Variants in GOLGA8S observed in about 807,000 individuals in gnomAD.
GOLGA8S encodes the protein golgin subfamily A member 8S.
A neutral mutation model predicts 58.9 loss-of-function variants in GOLGA8S; 23 were observed. That is an observed-to-expected ratio of 0.39 (90% CI 0.28 to 0.55). The LOEUF (loss-of-function observed/expected upper bound fraction) is 0.55. Among genes scored for constraint, GOLGA8S ranks in the 20% least tolerant of loss-of-function variants. The pLI is 0.63. For missense variants in GOLGA8S, 266 were observed against 514.2 expected (o/e 0.52, Z 4.67); for synonymous variants, 84 against 195.7 (o/e 0.43, Z 4.76).
At chr15:23,361,171 T>C (rs774459141) in intron 11 of GOLGA8S, 50 bp from the exon 12 acceptor site, 3 of 402,204 alleles carry the variant, frequency 7.5e-6, no homozygotes, top group East Asian at 9.9e-5. Flanking sequence ...TTTCTTTTCT[T>C]TTTTTTTTTT....
At chr15:23,368,245 G>C (rs1384591810), downstream of GOLGA8S, among the ~76,000 whole-genome samples, 1 of 151,896 alleles carries the variant, frequency 6.6e-6, no homozygotes, top group African/African-American at 2.4e-5. Flanking sequence ...AATACTGAAA[G>C]ATTTTTCCCT....
At chr15:23,363,593 A>G (rs187735073) in intron 14 of GOLGA8S, 85 bp from the exon 15 acceptor site, 17,726 of 315,220 alleles carry the variant, frequency 0.056, 5,537 homozygotes, top group Non-Finnish European at 0.066. Context: ...GGGTTACACA[A>G]TGAGGGTGGA....
intron 11 of GOLGA8S, among the ~76,000 whole-genome samples, 160 bp downstream of exon 11, chr15:23,360,975 C>T (rs2069779811): frequency 6.7e-6 from 1 of 148,438 alleles, no homozygotes. Flanking sequence ...CAATGAGCCT[C>T]AGTGTCCCCA....
At chr15:23,359,580 T>C (rs1277190733) in intron 8 of GOLGA8S, among the ~76,000 whole-genome samples, 1 of 143,080 alleles carries the variant, frequency 7.0e-6, no homozygotes, top group African/African-American at 2.6e-5. Flanking sequence ...TGTGTGTACA[T>C]ATTATGATAA....
At chr15:23,367,719 G>C (rs997061610), downstream of GOLGA8S, among the ~76,000 whole-genome samples, 8 of 151,752 alleles carry the variant, frequency 5.3e-5, 1 homozygote, top group African/African-American at 1.9e-4. Flanking sequence ...TTCGGTATAA[G>C]GCAGCTTTCA....
At chr15:23,365,391 C>T (rs913402122), downstream of GOLGA8S, 94 of 599,678 alleles carry the variant, frequency 1.6e-4, no homozygotes, top group South Asian at 4.2e-4. Flanking sequence ...CATTAGCATG[C>T]ATATCGAGTT....
chr15:23,358,099 T>A (rs1017880376), intron 4 of GOLGA8S, among the ~76,000 whole-genome samples: 1 of 151,700 alleles, frequency 6.6e-6, no homozygotes, highest in Non-Finnish European at 1.5e-5. Context: ...TTTTCCACCC[T>A]AAATCTTCTG....
chr15:23,360,958 G>A (rs2069779297), intron 11 of GOLGA8S, 143 bp downstream of exon 11: 2 of 702,424 alleles, frequency 2.8e-6, no homozygotes, highest in East Asian at 4.9e-5. Context: ...GGCAAGTCTT[G>A]TCATCTCAAT....
chr15:23,368,219 C>G (rs2069952054), downstream of GOLGA8S, among the ~76,000 whole-genome samples: 1 of 151,906 alleles, frequency 6.6e-6, no homozygotes, highest in Non-Finnish European at 1.5e-5. Context: ...TTCTTGTAAA[C>G]AGAATGTGTA....
chr15:23,364,720 T>C lies in GOLGA8S; in HGVS notation c.1548T>C (p.Asp516=), dbSNP rs774308664. The C allele has an allele frequency of 3.2e-5, 49 of 1,514,042 alleles. No individual in the cohort carries two copies. In the East Asian group the frequency reaches 1.1e-3, roughly 34 times the overall value. 93.8% of individuals were successfully genotyped at this position (1,514,042 alleles called of 1,614,324 possible). The change falls in exon 18 of 19, where the codon GAT becomes GAC. Residue 516 remains aspartate (D), a splice_region_variant and synonymous_variant. Transcript: ENST00000562295. ...GCAGCTGAGCACCCCTCCCTCCAGA[T>C]GAAGCTGCTGGAGCTGCAGCAGATG... is the stretch of plus-strand genomic sequence containing the variant.
In GOLGA8S at chr15:23,360,626, A is replaced by C. The variant is rs660225; in HGVS notation, c.786+94A>C. ...GGGAATAGTAGAGCCAGAGGTGGTC[A>C]TGGGACTGGGCTTTGTGGAGGTGGG... On this transcript the variant is annotated intron_variant, in intron 10 of 18. Coordinates refer to ENST00000562295, the Ensembl canonical transcript of GOLGA8S. The C allele has an allele frequency of 4.9e-3, 6,195 of 1,269,176 alleles. 244 individuals carry two copies. The highest frequency in any genetic ancestry group is 0.026 in the East Asian group (1,143 of 43,252). 78.6% of individuals were successfully genotyped at this position (1,269,176 alleles called of 1,614,324 possible).
chr15:23,360,047 T>G (rs1279601423), intron 8 of GOLGA8S, among the ~76,000 whole-genome samples, 182 bp from the exon 9 acceptor site: 2 of 148,648 alleles, frequency 1.3e-5, no homozygotes, highest in East Asian at 3.9e-4. Flanking sequence ...TAGCCAGCTA[T>G]AAATTCGATC....
chr15:23,361,267 G>C (rs1290780679), exon 12 of GOLGA8S: 1 of 1,493,858 alleles, frequency 6.7e-7, no homozygotes, highest in East Asian at 2.3e-5. Flanking sequence ...CTGAGGCGGA[G>C]CTGCAGCACC....
downstream of GOLGA8S, chr15:23,365,783 G>A (rs563396848): frequency 5.9e-6 from 1 of 168,146 alleles, no homozygotes; most frequent in African/African-American, 2.4e-5. Context: ...GAGGAAAGTG[G>A]CCTCCTCTGG....
chr15:23,365,850 G>A (rs2069913938), downstream of GOLGA8S: 1 of 155,448 alleles, frequency 6.4e-6, no homozygotes, highest in African/African-American at 2.4e-5. Context: ...AATTAGCAGT[G>A]TATTATGGTG....
rs1202800037 is a variant in GOLGA8S at position 23,363,874 on chromosome 15, CA to C, written c.1347+106del. ...CTGCCTTCTGATTTCTCTGGACCCT[CA>C]CCCCTTCCGAGAGCCAGTGGTCAGA... On this transcript the variant is annotated intron_variant, in intron 15 of 18. Coordinates refer to ENST00000562295, the Ensembl canonical transcript of GOLGA8S. The C allele has an allele frequency of 3.5e-6, 2 of 567,264 alleles. 1 individual carries two copies. The highest frequency in any genetic ancestry group is 6.3e-6 in the Non-Finnish European group (2 of 315,834). The allele number at this position is 567,264 out of a possible 1,614,324, so 35.1% of individuals were successfully genotyped here. A position where few individuals can be genotyped will look rare whatever the true frequency, so the allele number is the denominator to read the frequency against.
intron 13 of GOLGA8S, among the ~76,000 whole-genome samples, chr15:23,362,825 G>T (rs1245133732): frequency 7.0e-6 from 1 of 143,058 alleles, no homozygotes; most frequent in Non-Finnish European, 1.5e-5. Context: ...CACACCCAGG[G>T]TCTTCCTGCA....
chr15:23,357,445 TGA>T lies in GOLGA8S; in HGVS notation c.229-91_229-90del. ...TGGGACGGGGTGCCCCTCTGCCAGCTGAGACAGTCCACACACACCCCAGCCCT... is the reference window on the plus strand; with the variant it reads ...TGGGACGGGGTGCCCCTCTGCCAGCTGACAGTCCACACACACCCCAGCCCT... On this transcript the variant is annotated intron_variant, in intron 3 of 18. Coordinates refer to ENST00000562295, the Ensembl canonical transcript of GOLGA8S. 3 of 1,508,268 alleles carry T rather than the reference TGA, an allele frequency of 2.0e-6. No homozygotes were observed. In the South Asian group the frequency reaches 3.7e-5, roughly 18 times the overall value. 93.4% of individuals were successfully genotyped at this position (1,508,268 alleles called of 1,614,324 possible). A position where few individuals can be genotyped will look rare whatever the true frequency, so the allele number is the denominator to read the frequency against.
chr15:23,361,102 GC>G, intron 11 of GOLGA8S, 118 bp from the exon 12 acceptor site: 2 of 980,248 alleles, frequency 2.0e-6, no homozygotes, highest in South Asian at 3.3e-5. Flanking sequence ...AGTTTGAGGA[GC>G]CGGAGAGGAG....
Sources: gnomAD v4.1 joint callset for allele counts (sites outside exome capture counted in the v4.1 genomes callset) on GRCh38, gnomAD v4.1.1 for gene constraint, MANE v1.5 for transcripts, NCBI Gene and HGNC (gene_info 2026-07-23, HGNC 2026-07-21) for gene names.